ARHGAP44: variants seen among roughly 807,000 people sequenced by gnomAD.
The protein encoded by ARHGAP44 is rho GTPase-activating protein 44.
ARHGAP44 carries 43 observed loss-of-function variants against 106.8 expected under a neutral mutation model. That is an observed-to-expected ratio of 0.40 (90% CI 0.32 to 0.52). ARHGAP44 has a LOEUF of 0.52. Among genes scored for constraint, ARHGAP44 ranks in the 20% least tolerant of loss-of-function variants. ARHGAP44 has a pLI of 0.48. For missense variants in ARHGAP44, 866 were observed against 1,050.5 expected (o/e 0.82, Z 2.43); for synonymous variants, 439 against 410.3 (o/e 1.07, Z -0.85).
chr17:12,925,098 G>A (rs1399517322), intron 6 of ARHGAP44, among the ~76,000 whole-genome samples: 1 of 152,160 alleles, frequency 6.6e-6, no homozygotes, highest in African/African-American at 2.4e-5. Flanking sequence ...CCATACAGGT[G>A]TCTTTTTCTC....
At chr17:12,830,564 G>A (rs1317827891) in intron 1 of ARHGAP44, among the ~76,000 whole-genome samples, 1 of 152,140 alleles carries the variant, frequency 6.6e-6, no homozygotes, top group African/African-American at 2.4e-5. Flanking sequence ...GAATCAGGAA[G>A]ATGTGGTGGG....
intron 18 of ARHGAP44, among the ~76,000 whole-genome samples, chr17:12,974,880 C>T (rs865993276): frequency 1.5e-4 from 22 of 144,102 alleles, no homozygotes; most frequent in Middle Eastern, 7.0e-3. Flanking sequence ...GATGGAGTCT[C>T]GGTTGGTCGC....
At chr17:12,974,458 T>G in intron 18 of ARHGAP44, 148 bp downstream of exon 18, 1 of 662,528 alleles carries the variant, frequency 1.5e-6, no homozygotes, top group Non-Finnish European at 2.3e-6. Flanking sequence ...TGCGTCGCGC[T>G]GGCACCAAGT....
intron 1 of ARHGAP44, among the ~76,000 whole-genome samples, chr17:12,793,891 GA>G (rs1347965932): frequency 6.6e-6 from 1 of 152,192 alleles, no homozygotes; most frequent in Non-Finnish European, 1.5e-5. Context: ...TTTGGCAATG[GA>G]ATGAGTAAGT....
At chr17:12,801,300 A>G (rs1043117583) in intron 1 of ARHGAP44, among the ~76,000 whole-genome samples, 5 of 152,252 alleles carry the variant, frequency 3.3e-5, no homozygotes, top group African/African-American at 1.2e-4. Flanking sequence ...ATGCTGTTTA[A>G]GTGTGTCCTC....
Position 12,868,953 on chromosome 17 carries a change from C to CAT in ARHGAP44, c.54-25976_54-25975dup, listed in dbSNP as rs138760379. Among the ~76,000 whole-genome samples, 587 of 151,414 alleles carry CAT rather than the reference C, an allele frequency of 3.9e-3. 12 individuals carry two copies. The East Asian group carries it at 0.063, about 16-fold the overall frequency. ...TACAGGTGTGAGCCACCGCGCCCAA[C>CAT]ATATATATATATTAAAAATATGTTA... On this transcript the variant is annotated intron_variant, in intron 1 of 20. Transcript: ENST00000379672.
intron 1 of ARHGAP44, among the ~76,000 whole-genome samples, chr17:12,889,270 C>G (rs1353444917): frequency 6.6e-6 from 1 of 152,074 alleles, no homozygotes; most frequent in Non-Finnish European, 1.5e-5. Context: ...ATTTTGTGCT[C>G]TAACAGAATG....
chr17:12,836,445 C>T lies in ARHGAP44; in HGVS notation c.53+46554C>T, dbSNP rs375979079. Among the ~76,000 whole-genome samples the T allele has an allele frequency of 8.6e-5, 13 of 151,782 alleles. 1 individual carries two copies. The highest frequency in any genetic ancestry group is 8.8e-5 in the Non-Finnish European group (6 of 67,914). On this transcript the variant is annotated intron_variant, in intron 1 of 20. Coordinates refer to ENST00000379672, the MANE Select transcript of ARHGAP44 (RefSeq NM_014859.6). Reference sequence around the variant, plus strand: ...GGCGGATCACCTGATGTCAGGAGTTCGATACCATCCTGGCCAACATGGCGG... The same window carrying T: ...GGCGGATCACCTGATGTCAGGAGTTTGATACCATCCTGGCCAACATGGCGG...
intron 3 of ARHGAP44, among the ~76,000 whole-genome samples, chr17:12,905,700 A>T (rs1360020996): frequency 1.3e-5 from 2 of 152,230 alleles, no homozygotes; most frequent in East Asian, 3.9e-4. Context: ...GACTATCAGA[A>T]GTCCCCTTTA....
At chr17:12,815,461 G>A (rs1028735445) in intron 1 of ARHGAP44, among the ~76,000 whole-genome samples, 2 of 152,220 alleles carry the variant, frequency 1.3e-5, no homozygotes, top group Admixed American at 6.5e-5. Flanking sequence ...ATAACAAAGA[G>A]GTAAAGACTA....
At chr17:12,980,927 C>T (rs1003463849) in intron 19 of ARHGAP44, 3 of 152,090 alleles carry the variant, frequency 2.0e-5, no homozygotes, top group Admixed American at 1.3e-4. Flanking sequence ...CTTCTAGGAG[C>T]GGCTTTTAAC....
rs537794217 is a variant in ARHGAP44, at chr17:12,868,640, G to A, written c.54-26300G>A. 7.9e-3 allele frequency among the ~76,000 whole-genome samples: 932 copies of A among 118,406 alleles called. 6 individuals carry two copies. Among genetic ancestry groups the A allele is most frequent in the African/African-American group, 0.024 (794 of 32,796 alleles). 77.7% of individuals were successfully genotyped at this position (118,406 alleles called of 152,430 possible). ...ATATATATATATATATATGAAATGT[G>A]TATATATTTTATTTATTTTTTTAAT... On this transcript the variant is annotated intron_variant, in intron 1 of 20. Coordinates refer to ENST00000379672, the MANE Select transcript of ARHGAP44 (RefSeq NM_014859.6).
At chr17:12,844,039 C>G (rs1182691438) in intron 1 of ARHGAP44, among the ~76,000 whole-genome samples, 2 of 152,132 alleles carry the variant, frequency 1.3e-5, no homozygotes, top group East Asian at 3.9e-4. Flanking sequence ...CTGAAAATTT[C>G]TGTTTAGTTT....
At chr17:12,855,469 A>C (rs1179433555) in intron 1 of ARHGAP44, among the ~76,000 whole-genome samples, 1 of 151,050 alleles carries the variant, frequency 6.6e-6, no homozygotes, top group Non-Finnish European at 1.5e-5. Context: ...GGCCTTTCTC[A>C]CCATAAGATT....
At chr17:12,845,513 A>AAAAAAAC (rs1355471404) in intron 1 of ARHGAP44, among the ~76,000 whole-genome samples, 1 of 131,728 alleles carries the variant, frequency 7.6e-6, no homozygotes, top group African/African-American at 2.9e-5. Context: ...TCTCAAAAAA[A>AAAAAAAC]AAAAAAAAAC....
chr17:12,981,471 C>G (rs1284575722), intron 19 of ARHGAP44, among the ~76,000 whole-genome samples: 1 of 151,690 alleles, frequency 6.6e-6, no homozygotes, highest in Non-Finnish European at 1.5e-5. Flanking sequence ...AATCTCGGCT[C>G]ACTGCAACCT....
chr17:12,894,820 A>G (rs2037153736), intron 1 of ARHGAP44, 120 bp from the exon 2 acceptor site: 1 of 851,134 alleles, frequency 1.2e-6, no homozygotes, highest in Admixed American at 2.9e-5. Flanking sequence ...CTCTTATTAA[A>G]TGTTTCTACT....
In ARHGAP44 at chr17:12,957,146, C is replaced by T. The variant is rs181992795; in HGVS notation, c.1342+400C>T. On this transcript the variant is annotated intron_variant, in intron 15 of 20. Coordinates refer to ENST00000379672, the MANE Select transcript of ARHGAP44 (RefSeq NM_014859.6). ...ACTAATTTTGTATTTTTAGTAGAGA[C>T]GGGGTTTCTCCATGTCGCTCAGGCT... Among the ~76,000 whole-genome samples, 85 of 152,140 alleles carry T rather than the reference C, an allele frequency of 5.6e-4. No individual in the cohort carries two copies. In the East Asian group the frequency reaches 5.8e-3, roughly 10 times the overall value.
At chr17:12,884,217 A>C (rs1296268473) in intron 1 of ARHGAP44, among the ~76,000 whole-genome samples, 1 of 152,084 alleles carries the variant, frequency 6.6e-6, no homozygotes, top group Non-Finnish European at 1.5e-5. Flanking sequence ...TTTGCTTTTA[A>C]CTAGAATATT....
Sources: gnomAD v4.1 joint callset for allele counts (sites outside exome capture counted in the v4.1 genomes callset) on GRCh38, gnomAD v4.1.1 for gene constraint, MANE v1.5 for transcripts, NCBI Gene and HGNC (gene_info 2026-07-23, HGNC 2026-07-21) for gene names.